CECR2: variants seen among roughly 807,000 people sequenced by gnomAD.
The protein encoded by CECR2 is CECR2 histone acetyl-lysine reader, also known as chromatin remodeling regulator CECR2.
CECR2 carries 30 observed loss-of-function variants against 154.5 expected under a neutral mutation model. The ratio of observed to expected loss-of-function variants is 0.19; its 90% CI spans 0.15 to 0.26. CECR2 has a LOEUF of 0.26. CECR2 is among the 10% of genes least tolerant of loss of function. CECR2 has a pLI of 1.00. For missense variants in CECR2, 1,743 were observed against 1,829.3 expected (o/e 0.95, Z 0.86); for synonymous variants, 725 against 683.7 (o/e 1.06, Z -0.94).
chr22:17,488,039 G>A (rs539388879), intron 2 of CECR2, among the ~76,000 whole-genome samples: 1 of 152,036 alleles, frequency 6.6e-6, no homozygotes, highest in Admixed American at 6.6e-5. Flanking sequence ...CCACCATCAT[G>A]CCCGGCTAAT....
In CECR2 at chr22:17,542,602, C is replaced by A. The variant is rs370474804; in HGVS notation, c.2459C>A (p.Pro820His). The change falls in exon 16 of 19, where the codon CCC becomes CAC. Residue 820 changes from proline (P) to histidine (H), a missense_variant. By Grantham distance (77) the Pro-to-His change is moderately conservative (BLOSUM62 -2). Transcript: ENST00000262608. Reference protein sequence around the residue: ...DSRVMRPPVPPNQWTEQSGFL... With the variant: ...DSRVMRPPVPHNQWTEQSGFL... ...CGAGTCATGAGACCACCTGTCCCCC[C>A]CAACCAGTGGACTGAACAATCAGGC... 5.0e-6 allele frequency: 8 copies of A among 1,614,034 alleles called. No individual in the cohort carries two copies. Among genetic ancestry groups the A allele is most frequent in the African/African-American group, 1.3e-5 (1 of 75,054 alleles).
intron 1 of CECR2, among the ~76,000 whole-genome samples, chr22:17,414,248 A>G (rs544066484): frequency 3.5e-4 from 54 of 152,340 alleles, no homozygotes; most frequent in Non-Finnish European, 6.6e-4. Flanking sequence ...CTGGGATTAC[A>G]GGCGTGAGCC....
intron 5 of CECR2, 121 bp from the exon 6 acceptor site, chr22:17,502,961 T>C: frequency 1.2e-6 from 1 of 801,340 alleles, no homozygotes; most frequent in Non-Finnish European, 2.0e-6. Context: ...CCTTGTCCCC[T>C]TAACACACAC....
chr22:17,491,251 T>G (rs2055524236), intron 2 of CECR2, among the ~76,000 whole-genome samples: 1 of 152,126 alleles, frequency 6.6e-6, no homozygotes, highest in South Asian at 2.1e-4. Flanking sequence ...GTGGCTGGGT[T>G]GGTAGTTCAG....
chr22:17,439,023 T>A (rs1051324875), intron 1 of CECR2, among the ~76,000 whole-genome samples: 5 of 152,038 alleles, frequency 3.3e-5, no homozygotes, highest in East Asian at 1.9e-4. Flanking sequence ...ACATTTTTTT[T>A]AAAGTATGTA....
chr22:17,512,571 C>T (rs1209673824), intron 8 of CECR2, among the ~76,000 whole-genome samples: 2 of 151,448 alleles, frequency 1.3e-5, no homozygotes, highest in Non-Finnish European at 1.5e-5. Flanking sequence ...GGTGTGGTGG[C>T]GGGCACCTGT....
intron 1 of CECR2, among the ~76,000 whole-genome samples, chr22:17,426,340 A>T (rs2054329466): frequency 6.6e-6 from 1 of 152,074 alleles, no homozygotes; most frequent in Non-Finnish European, 1.5e-5. Flanking sequence ...TATGTTGTAA[A>T]TGGTTCTATT....
At chr22:17,389,660 C>T (rs1467666691) in intron 1 of CECR2, among the ~76,000 whole-genome samples, 2 of 151,990 alleles carry the variant, frequency 1.3e-5, no homozygotes, top group African/African-American at 2.4e-5. Flanking sequence ...TGGAGTCTCA[C>T]TCTGTTGCCC....
At chr22:17,455,668 C>T (rs1420594091) in intron 1 of CECR2, among the ~76,000 whole-genome samples, 1 of 152,196 alleles carries the variant, frequency 6.6e-6, no homozygotes, top group African/African-American at 2.4e-5. Flanking sequence ...TGCAGGAGTG[C>T]AGTGGCGCAA....
intron 8 of CECR2, among the ~76,000 whole-genome samples, chr22:17,514,556 G>A (rs1438869591): frequency 6.6e-6 from 1 of 152,154 alleles, no homozygotes; most frequent in Non-Finnish European, 1.5e-5. Flanking sequence ...GCCTAAGACA[G>A]TATCACATTT....
chr22:17,520,542 T>A (rs1480182180), intron 8 of CECR2, among the ~76,000 whole-genome samples: 1 of 152,146 alleles, frequency 6.6e-6, no homozygotes, highest in Non-Finnish European at 1.5e-5. Context: ...ATCATTTACA[T>A]TAGGTATTTC....
Position 17,540,727 on chromosome 22 carries a change from C to G in CECR2, c.1811C>G (p.Ser604Cys), listed in dbSNP as rs764104545. 6 of 1,612,112 alleles carry G rather than the reference C, an allele frequency of 3.7e-6. No individual in the cohort carries two copies. Among genetic ancestry groups the G allele is most frequent in the Non-Finnish European group, 5.1e-6 (6 of 1,179,138 alleles). The change falls in exon 14 of 19, where the codon TCC becomes TGC. Residue 604 changes from serine to cysteine, a missense_variant. Transcript: ENST00000262608. Reference sequence around the variant, plus strand: ...CAGCCCCCGCGGGAGGTGGGCACTTCCAATGGCCGAGGTTTTTCTCATCCC... The same window carrying G: ...CAGCCCCCGCGGGAGGTGGGCACTTGCAATGGCCGAGGTTTTTCTCATCCC... ...STQPPREVGT[S>C]NGRGFSHPLH...
intron 17 of CECR2, among the ~76,000 whole-genome samples, chr22:17,550,567 A>G (rs2056692658): frequency 6.6e-6 from 1 of 152,200 alleles, no homozygotes; most frequent in Non-Finnish European, 1.5e-5. Flanking sequence ...CTTCTTTCAC[A>G]CATGCTTGTG....
chr22:17,516,116 T>G (rs174297), intron 8 of CECR2, among the ~76,000 whole-genome samples: 1 of 151,944 alleles, frequency 6.6e-6, no homozygotes, highest in Admixed American at 6.6e-5. Context: ...CACTTGAATT[T>G]CTATGTTACC....
chr22:17,422,105 C>T (rs889705812), intron 1 of CECR2, among the ~76,000 whole-genome samples: 5 of 148,950 alleles, frequency 3.4e-5, no homozygotes, highest in East Asian at 2.0e-4. Flanking sequence ...GTTTTTTTTT[C>T]CCCCCTCTGG....
intron 1 of CECR2, among the ~76,000 whole-genome samples, chr22:17,438,250 G>T (rs967113248): frequency 6.6e-6 from 1 of 152,182 alleles, no homozygotes; most frequent in African/African-American, 2.4e-5. Context: ...CCTGAACAGG[G>T]CTTATCTTGT....
At chr22:17,370,326 G>A (rs1410622673) in intron 1 of CECR2, among the ~76,000 whole-genome samples, 2 of 149,156 alleles carry the variant, frequency 1.3e-5, no homozygotes, top group Non-Finnish European at 3.0e-5. Flanking sequence ...GCGCGGGGGG[G>A]GGGCCCGCGC....
intron 7 of CECR2, among the ~76,000 whole-genome samples, chr22:17,509,942 G>T (rs1309677114): frequency 3.9e-5 from 6 of 152,172 alleles, no homozygotes. Flanking sequence ...CAGAAGGTAA[G>T]TCCTGCTGTG....
At chr22:17,499,643 TA>T in intron 4 of CECR2, 94 bp downstream of exon 4, 3 of 1,295,728 alleles carry the variant, frequency 2.3e-6, no homozygotes, top group Non-Finnish European at 3.1e-6. Flanking sequence ...TTTTTTTTCC[TA>T]ATGAAGGAAT....
Sources: gnomAD v4.1 joint callset for allele counts (sites outside exome capture counted in the v4.1 genomes callset) on GRCh38, gnomAD v4.1.1 for gene constraint, MANE v1.5 for transcripts, NCBI Gene and HGNC (gene_info 2026-07-23, HGNC 2026-07-21) for gene names.